The following PLEKHG1 variants were observed in gnomAD, a reference collection of about 807,000 sequenced individuals.
The protein encoded by PLEKHG1 is pleckstrin homology and RhoGEF domain containing G1.
A neutral mutation model predicts 100.8 loss-of-function variants in PLEKHG1; 44 were observed. That is an observed-to-expected ratio of 0.44 (90% CI 0.34 to 0.56). PLEKHG1 has a LOEUF of 0.56. PLEKHG1 is among the 20% of genes least tolerant of loss of function. The pLI is 0.01. For missense variants in PLEKHG1, 1,545 were observed against 1,720.9 expected, an observed-to-expected ratio of 0.90 and a Z score of 1.81; for synonymous variants, 640 against 662.5, an observed-to-expected ratio of 0.97 and a Z score of 0.52.
chr6:150,625,215 C>G (rs569072576), intron 1 of PLEKHG1, among the ~76,000 whole-genome samples: 1 of 152,200 alleles, frequency 6.6e-6, no homozygotes, highest in Admixed American at 6.5e-5. Context: ...CTAGGTCTAC[C>G]ATAACAAAGT....
intron 1 of PLEKHG1, among the ~76,000 whole-genome samples, chr6:150,620,528 C>T (rs931243405): frequency 1.3e-5 from 2 of 152,206 alleles, no homozygotes; most frequent in African/African-American, 4.8e-5. Context: ...GCCATCGGGC[C>T]CTCCACACCC....
chr6:150,627,035 T>C (rs1013638141), intron 1 of PLEKHG1, among the ~76,000 whole-genome samples: 1 of 152,140 alleles, frequency 6.6e-6, no homozygotes, highest in African/African-American at 2.4e-5. Flanking sequence ...CTCTGGGGTG[T>C]GGCGTGATCT....
rs1428035694 is a variant in PLEKHG1, at chr6:150,683,036, A to T, written c.-99+32250A>T. ...ACTTAATGCTGATGGCTTCGTGCGC[A>T]TCTTAACAGTTGACAACTACATCAT... On this transcript the variant is annotated intron_variant, in intron 3 of 3. Transcript: ENST00000367326. The surrounding 1 kb of genome is among the most constrained non-coding windows in gnomAD (Gnocchi z 4.0). 6.6e-6 allele frequency among the ~76,000 whole-genome samples: 1 copy of T among 152,200 alleles called. No homozygotes were observed. Among genetic ancestry groups the T allele is most frequent in the Non-Finnish European group, 1.5e-5 (1 of 68,038 alleles).
At chr6:150,705,998 G>C (rs1309785789) in intron 3 of PLEKHG1, among the ~76,000 whole-genome samples, 1 of 151,890 alleles carries the variant, frequency 6.6e-6, no homozygotes, top group Non-Finnish European at 1.5e-5. Context: ...TTTTTTCCTT[G>C]CCCGTAAATC....
intron 4 of PLEKHG1, among the ~76,000 whole-genome samples, chr6:150,786,995 A>C (rs1785662216): frequency 6.8e-6 from 1 of 147,170 alleles, no homozygotes; most frequent in Non-Finnish European, 1.5e-5. Context: ...ACGCCATTGC[A>C]CTCCAGCCTG....
At chr6:150,748,857 C>G (rs773703648) in intron 2 of PLEKHG1, among the ~76,000 whole-genome samples, 4 of 152,070 alleles carry the variant, frequency 2.6e-5, no homozygotes, top group Non-Finnish European at 5.9e-5. Flanking sequence ...AACTCCTGAC[C>G]TCAAGTGATT....
chr6:150,840,640 A>T, exon 16 of PLEKHG1: 1 of 1,614,228 alleles, frequency 6.2e-7, no homozygotes, highest in East Asian at 2.2e-5. Flanking sequence ...CGTAGAAGGA[A>T]ATCTGACTCA....
intron 3 of PLEKHG1, among the ~76,000 whole-genome samples, chr6:150,669,339 G>C (rs1779507556): frequency 6.6e-6 from 1 of 152,098 alleles, no homozygotes; most frequent in Non-Finnish European, 1.5e-5. Flanking sequence ...TTCTGAGATG[G>C]TTTTTGATTG....
At chr6:150,603,217 AG>A (rs1271954337) in intron 1 of PLEKHG1, among the ~76,000 whole-genome samples, 1 of 152,134 alleles carries the variant, frequency 6.6e-6, no homozygotes, top group Non-Finnish European at 1.5e-5. Flanking sequence ...TTTTAGACAA[AG>A]GGTCTGTAAG....
chr6:150,828,286 C>T, intron 14 of PLEKHG1: 1 of 1,612,692 alleles, frequency 6.2e-7, no homozygotes, highest in Non-Finnish European at 8.5e-7. Flanking sequence ...TACGACAGAC[C>T]TGGAGGAAAA....
At chr6:150,747,756 C>T (rs1783240472) in intron 2 of PLEKHG1, among the ~76,000 whole-genome samples, 2 of 151,914 alleles carry the variant, frequency 1.3e-5, no homozygotes, top group Admixed American at 6.6e-5. Flanking sequence ...ATTAGCCAGG[C>T]GTGGTGGCGC....
intron 3 of PLEKHG1, among the ~76,000 whole-genome samples, chr6:150,659,133 T>TTC (rs144788557): frequency 1.8e-4 from 26 of 148,314 alleles, no homozygotes; most frequent in East Asian, 5.9e-4. Flanking sequence ...TGGGACTGGG[T>TTC]TCTCTCTCTC....
chr6:150,671,138 C>T (rs1447282027), intron 3 of PLEKHG1, among the ~76,000 whole-genome samples: 3 of 151,846 alleles, frequency 2.0e-5, no homozygotes, highest in African/African-American at 4.8e-5. Flanking sequence ...TATTTATCCA[C>T]TCATTGATTG....
chr6:150,621,043 C>G (rs1016313384), intron 1 of PLEKHG1, among the ~76,000 whole-genome samples: 15 of 152,204 alleles, frequency 9.9e-5, no homozygotes, highest in Admixed American at 7.9e-4. Context: ...ACTTTAGTCT[C>G]TCTGTGCCTC....
chr6:150,773,992 A>T (rs1043265038), intron 3 of PLEKHG1, among the ~76,000 whole-genome samples: 1 of 152,090 alleles, frequency 6.6e-6, no homozygotes, highest in Non-Finnish European at 1.5e-5. Context: ...CATTTTCTCT[A>T]TTGTTTAAAT....
At chr6:150,826,257 C>T (rs11155753) in intron 14 of PLEKHG1, among the ~76,000 whole-genome samples, 35,529 of 151,326 alleles carry the variant, frequency 0.23, 4,513 homozygotes, top group East Asian at 0.36. Context: ...TGGGAGTTCA[C>T]GATCAGCCTG....
chr6:150,773,202 A>G (rs554631233), intron 3 of PLEKHG1, among the ~76,000 whole-genome samples: 2 of 152,238 alleles, frequency 1.3e-5, no homozygotes, highest in African/African-American at 4.8e-5. Flanking sequence ...AAGGAGATCT[A>G]AACTCTTATT....
At chr6:150,678,140 C>T (rs1029960849) in intron 3 of PLEKHG1, among the ~76,000 whole-genome samples, 2 of 127,144 alleles carry the variant, frequency 1.6e-5, no homozygotes, top group Non-Finnish European at 3.2e-5. Context: ...TCTTTGTGGT[C>T]AGGACATTTA....
intron 3 of PLEKHG1, among the ~76,000 whole-genome samples, chr6:150,701,501 A>G (rs1426841650): frequency 4.7e-5 from 6 of 128,084 alleles, no homozygotes; most frequent in Non-Finnish European, 8.2e-5. Flanking sequence ...CATGTGCACA[A>G]TGTGCAGGTT....
Sources: gnomAD v4.1 joint callset for allele counts (sites outside exome capture counted in the v4.1 genomes callset) on GRCh38, gnomAD v4.1.1 for gene constraint, Gnocchi (gnomAD v3.1) non-coding constraint, MANE v1.5 for transcripts, NCBI Gene and HGNC (gene_info 2026-07-23, HGNC 2026-07-21) for gene names.